The following SLC5A10 variants were observed in gnomAD, a reference collection of about 807,000 sequenced individuals.
The protein encoded by SLC5A10 is sodium/mannose cotransporter SLC5A10.
In SLC5A10, 55 loss-of-function variants were observed where a neutral mutation model predicts 68.9. That is an observed-to-expected ratio of 0.80 (90% CI 0.64 to 1.00). SLC5A10 has a LOEUF of 1.00. SLC5A10 is among the 50% of genes least tolerant of loss of function. SLC5A10 has a pLI of 0.00. For missense variants in SLC5A10, 732 were observed against 819.3 expected, an observed-to-expected ratio of 0.89 and a Z score of 1.30; for synonymous variants, 344 against 344.8, an observed-to-expected ratio of 1.00 and a Z score of 0.02.
Position 18,959,575 on chromosome 17 carries a change from G to T in SLC5A10, c.289-29G>T, listed in dbSNP as rs1597815508. 3 of 1,611,232 alleles carry T rather than the reference G, an allele frequency of 1.9e-6. No homozygotes were observed. In the East Asian group the frequency reaches 6.7e-5, roughly 36 times the overall value. On this transcript the variant is annotated intron_variant, in intron 3 of 14. Coordinates refer to ENST00000395645, the MANE Select transcript of SLC5A10 (RefSeq NM_001042450.4). ...GAGCAGAGCTGTGGGAGCTGCACCT[G>T]CAGTCCTCACCTGTCTCTGTCCCCA...
chr17:18,956,345 G>A (rs1047420149), intron 1 of SLC5A10, among the ~76,000 whole-genome samples: 1 of 151,772 alleles, frequency 6.6e-6, no homozygotes, highest in Admixed American at 6.6e-5. Flanking sequence ...CCTGCATATT[G>A]ATGGATATAT....
chr17:18,991,972 G>A (rs2043436985), intron 9 of SLC5A10, among the ~76,000 whole-genome samples: 1 of 152,160 alleles, frequency 6.6e-6, no homozygotes, highest in South Asian at 2.1e-4. Flanking sequence ...TGCCTGGGGG[G>A]CAGAGGCAGG....
At position 18,996,807 on chromosome 17, in the gene SLC5A10, A is replaced by C. The variant is rs1597883941; in HGVS notation, c.983-16603A>C. The stretch of plus-strand genomic sequence containing the variant: ...TCTCCTAATGGGGGACCCTGTGTCC[A>C]TTCCAACCTCTGAACCCACCCACAG... On this transcript the variant is annotated intron_variant, in intron 9 of 14. Transcript: ENST00000395645. The surrounding 1 kb of genome is among the most constrained non-coding windows in gnomAD (Gnocchi z 4.4). Among the ~76,000 whole-genome samples, 1 of 152,280 alleles carries C rather than the reference A, an allele frequency of 6.6e-6. No individual in the cohort carries two copies. Among genetic ancestry groups the C allele is most frequent in the Admixed American group, 6.5e-5 (1 of 15,300 alleles).
At position 19,021,482 on chromosome 17, in the gene SLC5A10, G is replaced by A. The variant is rs770219228; in HGVS notation, c.*1051G>A. The A allele has an allele frequency of 4.4e-6, 1 of 227,706 alleles. No individual in the cohort carries two copies. The highest frequency in any genetic ancestry group is 8.5e-6 in the Non-Finnish European group (1 of 117,530). The allele number at this position is 227,706 out of a possible 1,614,324, so 14.1% of individuals were successfully genotyped here. A position where few individuals can be genotyped will look rare whatever the true frequency, so the allele number is the denominator to read the frequency against. ...TCAACAGGTGTGCAGTCTGTCCTTC[G>A]AGGCTGAGCCACCTCCCAACAGCCT... On this transcript the variant is annotated 3_prime_UTR_variant, in exon 15 of 15. Transcript: ENST00000395645. The surrounding 1 kb of genome is among the most constrained non-coding windows in gnomAD (Gnocchi z 4.1).
intron 9 of SLC5A10, chr17:18,979,047 A>T: frequency 1.6e-6 from 1 of 622,386 alleles, no homozygotes; most frequent in Non-Finnish European, 2.8e-6. Context: ...CACCAAGCCC[A>T]TTCCCACCTC....
chr17:19,007,381 A>G (rs2043916081), intron 9 of SLC5A10, among the ~76,000 whole-genome samples: 1 of 151,830 alleles, frequency 6.6e-6, no homozygotes, highest in Admixed American at 6.6e-5. Context: ...TCTATTTTTT[A>G]ACTCTTGAGT....
At chr17:18,961,013 C>T (rs947170329) in intron 5 of SLC5A10, among the ~76,000 whole-genome samples, 1 of 152,208 alleles carries the variant, frequency 6.6e-6, no homozygotes, top group Non-Finnish European at 1.5e-5. Flanking sequence ...CAAAAGCCCA[C>T]GTGGTCTTAG....
chr17:18,967,208 A>T (rs2042728785), intron 5 of SLC5A10, among the ~76,000 whole-genome samples: 1 of 152,224 alleles, frequency 6.6e-6, no homozygotes. Flanking sequence ...AACAGCAGCA[A>T]ACGTTCACTG....
intron 9 of SLC5A10, among the ~76,000 whole-genome samples, chr17:18,992,357 A>C (rs2043448461): frequency 6.6e-6 from 1 of 152,038 alleles, no homozygotes; most frequent in African/African-American, 2.4e-5. Context: ...CTGCATGGGG[A>C]TCCCCAGTGC....
At chr17:18,964,725 TGG>T (rs1768566205) in intron 5 of SLC5A10, among the ~76,000 whole-genome samples, 1 of 151,654 alleles carries the variant, frequency 6.6e-6, no homozygotes, top group South Asian at 2.1e-4. Context: ...CTCATGGGGC[TGG>T]GGGTGTCTAG....
At chr17:18,989,953 C>A (rs571273082) in intron 9 of SLC5A10, among the ~76,000 whole-genome samples, 1 of 152,218 alleles carries the variant, frequency 6.6e-6, no homozygotes, top group South Asian at 2.1e-4. Flanking sequence ...GTGGTCCCCC[C>A]AGAGCGGACA....
chr17:18,983,295 T>C (rs1348294359), intron 9 of SLC5A10, among the ~76,000 whole-genome samples: 1 of 152,214 alleles, frequency 6.6e-6, no homozygotes, highest in Non-Finnish European at 1.5e-5. Flanking sequence ...ACTATGGCCA[T>C]GGGGCGCTCG....
At chr17:18,977,817 CT>C in intron 9 of SLC5A10, 1 of 1,608,282 alleles carries the variant, frequency 6.2e-7, no homozygotes. Flanking sequence ...AAGTACTCCT[CT>C]GACACAGAGG....
At chr17:18,957,735 A>T (rs192479490) in intron 1 of SLC5A10, among the ~76,000 whole-genome samples, 51 of 152,334 alleles carry the variant, frequency 3.3e-4, no homozygotes, top group Middle Eastern at 6.8e-3. Flanking sequence ...AAGTGCTGGG[A>T]TTACAGGCGT....
Position 18,971,656 on chromosome 17 carries a change from G to C in SLC5A10, c.846+438G>C. On this transcript the variant is annotated intron_variant, in intron 8 of 14. Transcript: ENST00000395645. This position sits in a 1 kb window ranked among gnomAD's most constrained non-coding sequence, Gnocchi z 5.5. ...CGTTTCTGGTAGAGCTCTGGACGCT[G>C]TCAGCAGCAGAGCGGTACCTAGGGG... 1 of 1,613,360 alleles carries C rather than the reference G, an allele frequency of 6.2e-7. No individual in the cohort carries two copies.
At position 19,017,298 on chromosome 17, in the gene SLC5A10, C is replaced by G. The variant is rs1394710147; in HGVS notation, c.1241+2099C>G. On this transcript the variant is annotated intron_variant, in intron 11 of 14. Transcript: ENST00000395645. This position sits in a 1 kb window ranked among gnomAD's most constrained non-coding sequence, Gnocchi z 5.6. ...CCCTCTTACAGCACTGGGATACCCT[C>G]AACACCCCCAGCCCCTCAAAGCCGT... 1.3e-6 allele frequency: 2 copies of G among 1,552,098 alleles called. No individual in the cohort carries two copies. The highest frequency in any genetic ancestry group is 2.4e-5 in the East Asian group (1 of 40,928).
At chr17:18,961,483 G>A (rs190310459) in intron 5 of SLC5A10, among the ~76,000 whole-genome samples, 3 of 152,286 alleles carry the variant, frequency 2.0e-5, no homozygotes, top group East Asian at 1.9e-4. Context: ...CTGTGAGTTG[G>A]TGGTAGCAAT....
In SLC5A10 at chr17:19,021,838, G is replaced by A. The variant is rs368972418; in HGVS notation, c.*1407G>A. The A allele has an allele frequency of 5.1e-5, 53 of 1,043,148 alleles. No individual in the cohort carries two copies. The highest frequency in any genetic ancestry group is 2.8e-4 in the African/African-American group (17 of 60,064). The allele number at this position is 1,043,148 out of a possible 1,614,324, so 64.6% of individuals were successfully genotyped here. A position where few individuals can be genotyped will look rare whatever the true frequency, so the allele number is the denominator to read the frequency against. On this transcript the variant is annotated 3_prime_UTR_variant, in exon 15 of 15. Coordinates refer to ENST00000395645, the MANE Select transcript of SLC5A10 (RefSeq NM_001042450.4). This position sits in a 1 kb window ranked among gnomAD's most constrained non-coding sequence, Gnocchi z 4.1. ...CGGCCGGAGGCAGTTAGGAGCCCAC[G>A]TTCAGTCCAAGGCCGTCCACTGAGC...
chr17:19,018,146 AAGGG>A lies in SLC5A10; in HGVS notation c.1242-1269_1242-1266del, dbSNP rs2044178889. On this transcript the variant is annotated intron_variant, in intron 11 of 14. Transcript: ENST00000395645. The surrounding 1 kb of genome is among the most constrained non-coding windows in gnomAD (Gnocchi z 4.2). ...TCTCCCTCAGGCCTAGAAGGGAAGA[AAGGG>A]AGGGAGGAAGGCGGACAGGCGCTGA... is the stretch of plus-strand genomic sequence containing the variant. 6.6e-6 allele frequency: 1 copy of A among 152,374 alleles called. No homozygotes were observed. The highest frequency in any genetic ancestry group is 1.5e-5 in the Non-Finnish European group (1 of 68,074). The allele number at this position is 152,374 out of a possible 1,614,324, so 9.4% of individuals were successfully genotyped here. A position where few individuals can be genotyped will look rare whatever the true frequency, so the allele number is the denominator to read the frequency against.
Sources: gnomAD v4.1 joint callset for allele counts (sites outside exome capture counted in the v4.1 genomes callset) on GRCh38, gnomAD v4.1.1 for gene constraint, Gnocchi (gnomAD v3.1) non-coding constraint, MANE v1.5 for transcripts, NCBI Gene and HGNC (gene_info 2026-07-23, HGNC 2026-07-21) for gene names.